Variants in DCAF17 observed in about 807,000 individuals in gnomAD.
DCAF17 encodes the protein DDB1 and CUL4 associated factor 17.
DCAF17 carries 48 observed loss-of-function variants against 66.0 expected under a neutral mutation model. The ratio of observed to expected loss-of-function variants is 0.73; its 90% CI spans 0.58 to 0.92. DCAF17 has a LOEUF of 0.92. Ranked by LOEUF, DCAF17 falls within the 40% of genes least tolerant of loss-of-function variation. The pLI, the probability that DCAF17 is intolerant of heterozygous loss-of-function variation, is 0.00. For missense variants in DCAF17, 562 were observed against 622.8 expected (o/e 0.90, Z 1.04); for synonymous variants, 206 against 214.6 (o/e 0.96, Z 0.35).
Position 171,481,240 on chromosome 2 carries a change from A to T in DCAF17, c.*126A>T, listed in dbSNP as rs139116642. On this transcript the variant is annotated 3_prime_UTR_variant, in exon 14 of 14. Transcript: ENST00000375255. ...TCCAAAAAAGTCTTGTGTTGACTTC[A>T]GATGACTATGACTTCTTTTTTAAAC... is the stretch of plus-strand genomic sequence containing the variant. 8.8e-5 allele frequency: 103 copies of T among 1,176,400 alleles called. No individual in the cohort carries two copies. In the Middle Eastern group the frequency reaches 2.1e-3, roughly 24 times the overall value. The allele number at this position is 1,176,400 out of a possible 1,614,324, so 72.9% of individuals were successfully genotyped here.
chr2:171,464,230 C>T (rs1240871846), intron 8 of DCAF17, among the ~76,000 whole-genome samples: 1 of 152,160 alleles, frequency 6.6e-6, no homozygotes, highest in African/African-American at 2.4e-5. Flanking sequence ...TAGAGAGCAA[C>T]ACTACAAACT....
At chr2:171,451,428 A>C (rs1694946767) in intron 5 of DCAF17, among the ~76,000 whole-genome samples, 1 of 152,104 alleles carries the variant, frequency 6.6e-6, no homozygotes, top group Non-Finnish European at 1.5e-5. Context: ...TTATACTCTT[A>C]CTACCTTGCT....
chr2:171,439,238 T>G (rs772591456), intron 2 of DCAF17, among the ~76,000 whole-genome samples: 1 of 152,160 alleles, frequency 6.6e-6, no homozygotes, highest in Non-Finnish European at 1.5e-5. Context: ...CAGCCATTAT[T>G]ACTTCAAATA....
Position 171,480,044 on chromosome 2 carries a change from A to G in DCAF17, c.1273A>G (p.Lys425Glu), listed in dbSNP as rs770819824. ...LDDDPEQETF[K>E]IVDYEDELDL... Reference sequence around the variant, plus strand: ...TTATCTATCTATCCCAAAGACTTTCAAAATTGTGGACTATGAAGATGAGTT... The same window carrying G: ...TTATCTATCTATCCCAAAGACTTTCGAAATTGTGGACTATGAAGATGAGTT... Residue 425 changes from lysine (K) to glutamate (E), a missense_variant, in exon 13 of 14, where the codon AAA becomes GAA. Lys to Glu is a moderately conservative substitution (Grantham distance 56). Coordinates refer to ENST00000375255, the MANE Select transcript of DCAF17 (RefSeq NM_025000.4). 2 of 1,613,466 alleles carry G rather than the reference A, an allele frequency of 1.2e-6. No individual in the cohort carries two copies. Among genetic ancestry groups the G allele is most frequent in the South Asian group, 2.2e-5 (2 of 91,050 alleles).
chr2:171,471,281 A>T (rs986096214), intron 9 of DCAF17, among the ~76,000 whole-genome samples: 2 of 151,560 alleles, frequency 1.3e-5, no homozygotes, highest in African/African-American at 4.8e-5. Flanking sequence ...GTAGATAACT[A>T]AAAAAAATGT....
Position 171,481,143 on chromosome 2 carries a change from A to G in DCAF17, c.*29A>G. Reference sequence around the variant, plus strand: ...GAGTGAGATAATTGTAACCTAAGAGACTTTTAGCCAAACACCCCAGCAGCT... The same window carrying G: ...GAGTGAGATAATTGTAACCTAAGAGGCTTTTAGCCAAACACCCCAGCAGCT... On this transcript the variant is annotated 3_prime_UTR_variant, in exon 14 of 14. Transcript: ENST00000375255. 1 of 1,612,958 alleles carries G rather than the reference A, an allele frequency of 6.2e-7. No homozygotes were observed. Among genetic ancestry groups the G allele is most frequent in the East Asian group, 2.2e-5 (1 of 44,858 alleles).
intron 8 of DCAF17, among the ~76,000 whole-genome samples, chr2:171,461,016 T>C (rs1695555551): frequency 1.3e-5 from 2 of 152,240 alleles, no homozygotes; most frequent in Admixed American, 1.3e-4. Flanking sequence ...GTTTATTTCA[T>C]ACTGTAGAGA....
chr2:171,463,519 C>T (rs945757989), intron 8 of DCAF17, among the ~76,000 whole-genome samples: 1 of 152,138 alleles, frequency 6.6e-6, no homozygotes, highest in African/African-American at 2.4e-5. Flanking sequence ...TCTTCTGATA[C>T]TTCTAAAATG....
chr2:171,452,784 C>T (rs775989796), intron 5 of DCAF17, among the ~76,000 whole-genome samples: 7 of 152,142 alleles, frequency 4.6e-5, no homozygotes, highest in Non-Finnish European at 8.8e-5. Context: ...GATATGAGCA[C>T]GATAACTACA....
chr2:171,434,949 C>A, intron 1 of DCAF17, 134 bp from the exon 2 acceptor site: 1 of 990,442 alleles, frequency 1.0e-6, no homozygotes, highest in Non-Finnish European at 1.5e-6. Flanking sequence ...TAAGCCAAAA[C>A]ATGAGGGCAG....
chr2:171,446,275 C>T (rs985391280), intron 3 of DCAF17, among the ~76,000 whole-genome samples: 19 of 151,804 alleles, frequency 1.3e-4, no homozygotes, highest in African/African-American at 3.4e-4. Flanking sequence ...TGGCCAGGTG[C>T]GGTGGCTCAC....
chr2:171,468,137 T>C (rs1314815924), intron 8 of DCAF17, among the ~76,000 whole-genome samples: 1 of 152,152 alleles, frequency 6.6e-6, no homozygotes, highest in Non-Finnish European at 1.5e-5. Flanking sequence ...AGATCTATTA[T>C]GCCCTACTTA....
At position 171,448,657 on chromosome 2, in the gene DCAF17, TTA is replaced by T. The variant is rs773743596; in HGVS notation, c.322-20_322-19del. On this transcript the variant is annotated intron_variant, in intron 3 of 13. Coordinates refer to ENST00000375255, the MANE Select transcript of DCAF17 (RefSeq NM_025000.4). The stretch of plus-strand genomic sequence containing the variant: ...TGTTCATGGCCAAGCAGTTTCATTT[TTA>T]TATCTCTCTTTTTTTTTTTAGGGAG... 1.1e-4 allele frequency: 177 copies of T among 1,543,380 alleles called. No individual in the cohort carries two copies. Among genetic ancestry groups the T allele is most frequent in the Admixed American group, 1.7e-4 (8 of 46,928 alleles).
intron 1 of DCAF17, 176 bp downstream of exon 1, chr2:171,434,879 T>G: frequency 1.8e-6 from 2 of 1,121,692 alleles, no homozygotes; most frequent in Non-Finnish European, 1.2e-6. Flanking sequence ...CAGCTGCTTT[T>G]AGTTTTACGC....
In DCAF17 at chr2:171,485,030, C is replaced by A. The variant is rs889475988; in HGVS notation, c.*3916C>A. On this transcript the variant is annotated 3_prime_UTR_variant, in exon 14 of 14. Coordinates refer to ENST00000375255, the MANE Select transcript of DCAF17 (RefSeq NM_025000.4). ...TTGTTTTTTACTGTTATGAATAAAGCTGCTATGAACATTCTTAGACAATTC... is the reference window on the plus strand; with the variant it reads ...TTGTTTTTTACTGTTATGAATAAAGATGCTATGAACATTCTTAGACAATTC... 4 of 453,318 alleles carry A rather than the reference C, an allele frequency of 8.8e-6. No individual in the cohort carries two copies. The highest frequency in any genetic ancestry group is 1.8e-5 in the Non-Finnish European group (4 of 226,660). 28.1% of individuals were successfully genotyped at this position (453,318 alleles called of 1,614,324 possible). A position where few individuals can be genotyped will look rare whatever the true frequency, so the allele number is the denominator to read the frequency against.
chr2:171,467,870 T>TA (rs1243509026), intron 8 of DCAF17, among the ~76,000 whole-genome samples: 5 of 152,192 alleles, frequency 3.3e-5, no homozygotes, highest in African/African-American at 1.2e-4. Flanking sequence ...ACATTGTCCT[T>TA]ATGAAGATGC....
chr2:171,465,667 T>G (rs1377754802), intron 8 of DCAF17, among the ~76,000 whole-genome samples: 1 of 152,068 alleles, frequency 6.6e-6, no homozygotes, highest in Non-Finnish European at 1.5e-5. Context: ...GTATTCTTAG[T>G]AGAGGTGGGG....
At chr2:171,457,080 A>T (rs896975521) in intron 6 of DCAF17, among the ~76,000 whole-genome samples, 1 of 152,184 alleles carries the variant, frequency 6.6e-6, no homozygotes, top group African/African-American at 2.4e-5. Flanking sequence ...GAGTGACAAG[A>T]TGTCTTTTTT....
intron 2 of DCAF17, 77 bp from the exon 3 acceptor site, chr2:171,443,446 A>G: frequency 8.0e-7 from 1 of 1,254,940 alleles, no homozygotes; most frequent in Non-Finnish European, 1.1e-6. Context: ...TCTCTGAATA[A>G]AAATAGTCTC....
Sources: gnomAD v4.1 joint callset for allele counts (sites outside exome capture counted in the v4.1 genomes callset) on GRCh38, gnomAD v4.1.1 for gene constraint, MANE v1.5 for transcripts, NCBI Gene and HGNC (gene_info 2026-07-23, HGNC 2026-07-21) for gene names.